PLAAT3: variants seen among roughly 807,000 people sequenced by gnomAD.
PLAAT3 encodes the protein phospholipase A and acyltransferase 3.
In PLAAT3, 21 loss-of-function variants were observed where a neutral mutation model predicts 16.7. That is an observed-to-expected ratio of 1.26 (90% CI 0.89 to 1.81). The LOEUF (loss-of-function observed/expected upper bound fraction) is 1.81. PLAAT3 is among the 40% of genes most tolerant of loss of function. The pLI is 0.00. For missense variants in PLAAT3, 219 were observed against 213.7 expected (o/e 1.02, Z -0.16); for synonymous variants, 76 against 81.7 (o/e 0.93, Z 0.38).
At chr11:63,601,991 A>AAC (rs1273868590) in intron 2 of PLAAT3, among the ~76,000 whole-genome samples, 1 of 150,144 alleles carries the variant, frequency 6.7e-6, no homozygotes, top group Non-Finnish European at 1.5e-5. Context: ...AAAAAAAAAA[A>AAC]AAAAAACAAA....
At chr11:63,616,293 C>G (rs949056076), upstream of PLAAT3, 2 of 152,076 alleles carry the variant, frequency 1.3e-5, no homozygotes, top group African/African-American at 4.8e-5. Flanking sequence ...ATTCTACTCC[C>G]TACTCGTGGG....
chr11:63,615,351 T>C (rs1236663606), upstream of PLAAT3, among the ~76,000 whole-genome samples: 6 of 101,454 alleles, frequency 5.9e-5, no homozygotes, highest in African/African-American at 2.0e-4. Context: ...TATATGTGTG[T>C]ATATATATGT....
At chr11:63,605,856 G>T (rs1255912920) in intron 2 of PLAAT3, among the ~76,000 whole-genome samples, 2 of 149,562 alleles carry the variant, frequency 1.3e-5, no homozygotes, top group African/African-American at 2.4e-5. Flanking sequence ...CTGGCCCTTT[G>T]TTTGTTTGTT....
chr11:63,592,150 T>C (rs947143110), intron 3 of PLAAT3, among the ~76,000 whole-genome samples: 2 of 151,918 alleles, frequency 1.3e-5, no homozygotes, highest in Non-Finnish European at 2.9e-5. Context: ...ATCAACACAG[T>C]AATTTAAAGT....
intron 4 of PLAAT3, among the ~76,000 whole-genome samples, chr11:63,581,052 T>C (rs1331087464): frequency 4.6e-5 from 7 of 152,242 alleles, no homozygotes; most frequent in Non-Finnish European, 5.9e-5. Flanking sequence ...TTATAATTTC[T>C]TATGCCTGTC....
intron 2 of PLAAT3, among the ~76,000 whole-genome samples, chr11:63,600,747 C>T (rs1286732397): frequency 1.3e-5 from 2 of 151,798 alleles, no homozygotes; most frequent in Non-Finnish European, 2.9e-5. Context: ...GGACTACAGG[C>T]GTATGCCACC....
At chr11:63,595,091 G>A (rs1278581443) in intron 3 of PLAAT3, among the ~76,000 whole-genome samples, 1 of 152,056 alleles carries the variant, frequency 6.6e-6, no homozygotes, top group Non-Finnish European at 1.5e-5. Context: ...AGGGGTTTGA[G>A]ACCAGCCTGG....
rs182595059 is a variant in PLAAT3 at position 63,603,120 on chromosome 11, T to A, written c.16-4957A>T. ...AAAATAAATAAAATAATAAAATGTT[T>A]ACTATCTGTCCATTTACAGGAAAAG... is the stretch of plus-strand genomic sequence containing the variant. On this transcript the variant is annotated intron_variant, in intron 2 of 4. Coordinates refer to ENST00000415826, the MANE Select transcript of PLAAT3 (RefSeq NM_001128203.2). Among the ~76,000 whole-genome samples the A allele has an allele frequency of 7.9e-5, 12 of 152,206 alleles. No homozygotes were observed. The East Asian group carries it at 2.3e-3, about 29-fold the overall frequency.
upstream of PLAAT3, among the ~76,000 whole-genome samples, chr11:63,615,076 G>GTGTGTATATA (rs1938808734): frequency 1.3e-4 from 4 of 31,678 alleles, 2 homozygotes; most frequent in African/African-American, 2.5e-4. Flanking sequence ...GTGTATATAT[G>GTGTGTATATA]TGTGTATATA....
intron 2 of PLAAT3, among the ~76,000 whole-genome samples, chr11:63,599,490 G>A (rs1204189268): frequency 2.6e-5 from 4 of 152,154 alleles, no homozygotes; most frequent in Admixed American, 6.5e-5. Flanking sequence ...ACTCTACAAC[G>A]CCTATGAAGG....
At chr11:63,606,425 A>AACACACACACACACACAC (rs34044017) in intron 2 of PLAAT3, among the ~76,000 whole-genome samples, 233 of 140,202 alleles carry the variant, frequency 1.7e-3, no homozygotes, top group South Asian at 2.8e-3. Flanking sequence ...TCTACTATAA[A>AACACACACACACACACAC]ACACACACAC....
At chr11:63,602,264 TG>T (rs1938451665) in intron 2 of PLAAT3, among the ~76,000 whole-genome samples, 1 of 142,444 alleles carries the variant, frequency 7.0e-6, no homozygotes, top group African/African-American at 2.6e-5. Flanking sequence ...CCCTCCAGCC[TG>T]GGTGACAGTG....
intron 2 of PLAAT3, among the ~76,000 whole-genome samples, chr11:63,605,385 C>T (rs988644850): frequency 2.6e-5 from 4 of 151,838 alleles, no homozygotes; most frequent in Non-Finnish European, 4.4e-5. Context: ...GCGACAAGAG[C>T]GAGACTGTCT....
intron 3 of PLAAT3, among the ~76,000 whole-genome samples, chr11:63,595,064 G>A (rs938678375): frequency 1.9e-4 from 29 of 152,250 alleles, no homozygotes; most frequent in Non-Finnish European, 3.1e-4. Flanking sequence ...GCCGAGGCAG[G>A]CAGATCACTT....
At chr11:63,606,752 G>T (rs1358188126) in intron 2 of PLAAT3, among the ~76,000 whole-genome samples, 1 of 152,230 alleles carries the variant, frequency 6.6e-6, no homozygotes, top group Non-Finnish European at 1.5e-5. Context: ...AGGCCAACGA[G>T]GCCGGAGTAG....
chr11:63,582,713 C>T (rs187159967), intron 4 of PLAAT3, among the ~76,000 whole-genome samples: 2 of 152,290 alleles, frequency 1.3e-5, no homozygotes, highest in East Asian at 1.9e-4. Flanking sequence ...TGAGGTTAAA[C>T]ACAACTATGT....
At chr11:63,602,233 T>C (rs1938450783) in intron 2 of PLAAT3, among the ~76,000 whole-genome samples, 2 of 150,766 alleles carry the variant, frequency 1.3e-5, no homozygotes, top group African/African-American at 4.9e-5. Context: ...GAGGTTGCAG[T>C]GAGCCAAGAT....
At chr11:63,591,018 TG>T (rs1413492773) in intron 3 of PLAAT3, among the ~76,000 whole-genome samples, 1 of 152,072 alleles carries the variant, frequency 6.6e-6, no homozygotes, top group Non-Finnish European at 1.5e-5. Flanking sequence ...CAACACAGAC[TG>T]GGCATTCCTC....
chr11:63,610,889 G>C (rs1270266257), intron 2 of PLAAT3, among the ~76,000 whole-genome samples: 3 of 151,970 alleles, frequency 2.0e-5, no homozygotes, highest in Non-Finnish European at 4.4e-5. Flanking sequence ...AGAGAGGAGA[G>C]AAATAATCAC....
Sources: allele counts gnomAD v4.1 joint callset (sites outside exome capture counted in the v4.1 genomes callset), GRCh38; gene constraint gnomAD v4.1.1; transcripts MANE v1.5; gene names NCBI Gene and HGNC (gene_info 2026-07-23, HGNC 2026-07-21).